NCALD: variants seen among roughly 807,000 people sequenced by gnomAD.
NCALD encodes the protein neurocalcin-delta.
In NCALD, 10 loss-of-function variants were observed where a neutral mutation model predicts 18.6. The ratio of observed to expected loss-of-function variants is 0.54; its 90% confidence interval spans 0.33 to 0.91. The LOEUF (loss-of-function observed/expected upper bound fraction) is 0.91. Ranked by LOEUF, NCALD falls within the 40% of genes least tolerant of loss-of-function variation. NCALD has a pLI of 0.03. For synonymous variants in NCALD, 88 were observed against 87.4 expected, an observed-to-expected ratio of 1.01 and a Z score of -0.04; for missense variants, 184 against 247.6, an observed-to-expected ratio of 0.74 and a Z score of 1.72.
intron 1 of NCALD, among the ~76,000 whole-genome samples, chr8:102,087,902 C>CCT (rs3085983): frequency 8.7e-5 from 13 of 149,484 alleles, no homozygotes; most frequent in East Asian, 5.9e-4. Flanking sequence ...GCAATGCTTT[C>CCT]CTCTCTCTCT....
intron 3 of NCALD, among the ~76,000 whole-genome samples, chr8:101,897,616 A>G (rs961119956): frequency 6.6e-6 from 1 of 152,180 alleles, no homozygotes. Flanking sequence ...AGCTGCTAGG[A>G]ACAATTATGT....
chr8:101,965,087 T>C (rs1819972000), intron 2 of NCALD, among the ~76,000 whole-genome samples: 1 of 152,146 alleles, frequency 6.6e-6, no homozygotes, highest in East Asian at 1.9e-4. Flanking sequence ...CCAGTTAGAA[T>C]AGCAATCATT....
chr8:102,005,890 G>T (rs1586911518), intron 2 of NCALD, among the ~76,000 whole-genome samples: 1 of 119,512 alleles, frequency 8.4e-6, no homozygotes, highest in South Asian at 3.2e-4. Flanking sequence ...GGGTGGGGGG[G>T]CAGGGGGGAG....
chr8:101,862,023 A>G (rs1018343042), intron 4 of NCALD, among the ~76,000 whole-genome samples: 9 of 152,210 alleles, frequency 5.9e-5, no homozygotes, highest in Non-Finnish European at 1.2e-4. Flanking sequence ...TAATTCCACA[A>G]ATCTGCAAAA....
chr8:101,956,057 A>T (rs1359095843), intron 2 of NCALD, among the ~76,000 whole-genome samples: 1 of 152,208 alleles, frequency 6.6e-6, no homozygotes, highest in Non-Finnish European at 1.5e-5. Flanking sequence ...TAGGTAAGGG[A>T]ATTAGAATAA....
At chr8:101,804,346 TTATATATAATTATATCAATTATATATTA>T (rs1812987618) in intron 4 of NCALD, among the ~76,000 whole-genome samples, 5 of 128,976 alleles carry the variant, frequency 3.9e-5, no homozygotes, top group Admixed American at 3.4e-4. Flanking sequence ...CAATTATATA[TTATATATAATTATATCAATTATATATTA>T]TATGTTACTA....
intron 1 of NCALD, among the ~76,000 whole-genome samples, chr8:102,054,300 C>T (rs559043620): frequency 9.2e-5 from 14 of 152,250 alleles, no homozygotes; most frequent in African/African-American, 3.4e-4. Context: ...CTAGATGTCA[C>T]TGTAAAGGTT....
At chr8:101,722,878 A>C (rs1816422417) in intron 1 of NCALD, among the ~76,000 whole-genome samples, 1 of 152,224 alleles carries the variant, frequency 6.6e-6, no homozygotes, top group African/African-American at 2.4e-5. Flanking sequence ...GTTCACAATT[A>C]AGCCTAGAAT....
chr8:101,857,766 T>C (rs995736885), intron 4 of NCALD, among the ~76,000 whole-genome samples: 16 of 152,176 alleles, frequency 1.1e-4, no homozygotes, highest in African/African-American at 3.6e-4. Context: ...ATAAGTTAAT[T>C]AAATTAAAGC....
At chr8:101,747,496 T>C (rs896994762) in intron 1 of NCALD, among the ~76,000 whole-genome samples, 2 of 152,166 alleles carry the variant, frequency 1.3e-5, no homozygotes, top group East Asian at 1.9e-4. Flanking sequence ...GATGATATCA[T>C]TGAGCCACCA....
At chr8:101,970,608 T>C (rs1424494148) in intron 2 of NCALD, among the ~76,000 whole-genome samples, 1 of 152,160 alleles carries the variant, frequency 6.6e-6, no homozygotes, top group Non-Finnish European at 1.5e-5. Flanking sequence ...TAACATGTGG[T>C]TTAACAGAAA....
In NCALD at chr8:101,955,119, A is replaced by G. The variant is rs77948843; in HGVS notation, c.-156-39261T>C. Among the ~76,000 whole-genome samples the G allele has an allele frequency of 1.8e-4, 27 of 152,354 alleles. No individual in the cohort carries two copies. In the East Asian group the frequency reaches 5.0e-3, roughly 28 times the overall value. ...TCTTGCCAAGTGAATAAATGGCAGA[A>G]GCAATGAATAAGGCGAGAGTGAAGA... On this transcript the variant is annotated intron_variant, in intron 2 of 6. Coordinates refer to the NCALD transcript ENST00000311028.
intron 2 of NCALD, among the ~76,000 whole-genome samples, chr8:101,714,152 A>G (rs1311750680): frequency 6.6e-6 from 1 of 152,176 alleles, no homozygotes; most frequent in African/African-American, 2.4e-5. Flanking sequence ...GGCAATCAGG[A>G]AAGAGAAAGA....
intron 2 of NCALD, among the ~76,000 whole-genome samples, chr8:102,009,095 C>G (rs1314432361): frequency 2.6e-5 from 4 of 152,216 alleles, no homozygotes; most frequent in African/African-American, 9.6e-5. Context: ...GGCATTGTTA[C>G]TCCATTGTGG....
intron 2 of NCALD, among the ~76,000 whole-genome samples, chr8:101,926,615 G>A (rs547663938): frequency 3.3e-5 from 5 of 152,158 alleles, no homozygotes; most frequent in African/African-American, 9.6e-5. Context: ...CCAAGCTGAC[G>A]ATCTACCAGG....
intron 2 of NCALD, among the ~76,000 whole-genome samples, chr8:101,960,266 C>T (rs1228795657): frequency 1.3e-5 from 2 of 152,146 alleles, no homozygotes; most frequent in African/African-American, 2.4e-5. Context: ...ACAAAAAACT[C>T]ATTGAAGTAG....
intron 2 of NCALD, chr8:101,950,278 G>A (rs536441158): frequency 6.6e-6 from 1 of 152,238 alleles, no homozygotes. Flanking sequence ...GAATCCTAAG[G>A]CGGTAGCCGG....
At chr8:101,933,839 G>T (rs982833775) in intron 2 of NCALD, among the ~76,000 whole-genome samples, 2 of 152,162 alleles carry the variant, frequency 1.3e-5, no homozygotes, top group Non-Finnish European at 2.9e-5. Flanking sequence ...CAGGACAGTG[G>T]TAGGGGCTAC....
At chr8:102,063,259 T>C (rs1370440342) in intron 1 of NCALD, among the ~76,000 whole-genome samples, 2 of 152,332 alleles carry the variant, frequency 1.3e-5, no homozygotes, top group Middle Eastern at 3.4e-3. Context: ...TGCCACGTGC[T>C]ACATAAAGAC....
Sources: gnomAD v4.1 joint callset for allele counts (sites outside exome capture counted in the v4.1 genomes callset) on GRCh38, gnomAD v4.1.1 for gene constraint, MANE v1.5 for transcripts, NCBI Gene and HGNC (gene_info 2026-07-23, HGNC 2026-07-21) for gene names.